KLHL1: variants seen among roughly 807,000 people sequenced by gnomAD.
KLHL1 encodes the protein kelch like family member 1, also known as kelch-like protein 1.
Under a neutral mutation model 77.7 loss-of-function variants are expected in KLHL1, and 47 were observed. That is an observed-to-expected ratio of 0.60 (90% confidence interval 0.48 to 0.77). The LOEUF (loss-of-function observed/expected upper bound fraction) is 0.77. Among genes scored for constraint, KLHL1 ranks in the 30% least tolerant of loss-of-function variants. KLHL1 has a pLI of 0.00. For missense variants in KLHL1, 925 were observed against 910.8 expected (o/e 1.02, Z -0.20); for synonymous variants, 360 against 325.2 (o/e 1.11, Z -1.15).
chr13:69,861,676 G>A (rs915401969), intron 5 of KLHL1, among the ~76,000 whole-genome samples: 6 of 150,930 alleles, frequency 4.0e-5, no homozygotes, highest in East Asian at 2.0e-4. Context: ...CAAGCCTGGC[G>A]CAGTGGCTCA....
At position 70,021,200 on chromosome 13, in the gene KLHL1, C is replaced by G. The variant is rs962398540; in HGVS notation, c.498-45398G>C. Among the ~76,000 whole-genome samples, 5 of 152,196 alleles carry G rather than the reference C, an allele frequency of 3.3e-5. No homozygotes were observed. The East Asian group carries it at 9.7e-4, about 29-fold the overall frequency. ...TCCTCCTATTCAATCCTGCCTCCCC[C>G]ATCTTCTGAAACTTTTTAGTGTTTC... On this transcript the variant is annotated intron_variant, in intron 1 of 10. Coordinates refer to ENST00000377844, the MANE Select transcript of KLHL1 (RefSeq NM_020866.3).
chr13:69,706,075 G>A (rs1875612227), intron 10 of KLHL1, among the ~76,000 whole-genome samples: 1 of 151,674 alleles, frequency 6.6e-6, no homozygotes, highest in African/African-American at 2.4e-5. Context: ...AAACACTAGG[G>A]ACTCAGAAAG....
intron 5 of KLHL1, among the ~76,000 whole-genome samples, chr13:69,867,771 T>A (rs2138166683): frequency 6.9e-6 from 1 of 145,636 alleles, no homozygotes; most frequent in African/African-American, 2.5e-5. Context: ...AAAAAGCATA[T>A]GTAATATTAA....
intron 5 of KLHL1, among the ~76,000 whole-genome samples, chr13:69,856,108 A>G (rs1354825558): frequency 2.0e-5 from 3 of 151,454 alleles, no homozygotes; most frequent in Non-Finnish European, 4.4e-5. Context: ...CTATCTTTTC[A>G]GGAATGTTTG....
chr13:69,719,646 T>C, intron 8 of KLHL1, 65 bp from the exon 9 acceptor site: 2 of 1,277,916 alleles, frequency 1.6e-6, no homozygotes, highest in Non-Finnish European at 2.2e-6. Flanking sequence ...ATAGAAAAGG[T>C]CCTTTAAAAT....
intron 1 of KLHL1, among the ~76,000 whole-genome samples, chr13:70,008,769 T>G (rs1036162563): frequency 6.6e-6 from 1 of 152,166 alleles, no homozygotes. Flanking sequence ...TGAATATATA[T>G]GCCAAAACAA....
intron 5 of KLHL1, among the ~76,000 whole-genome samples, chr13:69,856,434 G>A (rs899158428): frequency 1.3e-5 from 2 of 151,986 alleles, no homozygotes; most frequent in African/African-American, 4.8e-5. Context: ...CTTTTGCTCT[G>A]ATCCAGGAGT....
intron 1 of KLHL1, among the ~76,000 whole-genome samples, chr13:70,088,191 T>C (rs1887591191): frequency 6.6e-6 from 1 of 152,138 alleles, no homozygotes; most frequent in African/African-American, 2.4e-5. Flanking sequence ...GTAGGATTGA[T>C]AAATACAAAA....
intron 1 of KLHL1, among the ~76,000 whole-genome samples, chr13:70,066,633 G>T (rs1887013052): frequency 6.6e-6 from 1 of 152,176 alleles, no homozygotes; most frequent in Non-Finnish European, 1.5e-5. Flanking sequence ...GACTGATAAT[G>T]TTGGGAGAAT....
At chr13:69,723,501 C>T (rs7324005) in intron 8 of KLHL1, among the ~76,000 whole-genome samples, 147,703 of 152,182 alleles carry the variant, frequency 0.97, 71,696 homozygotes, top group East Asian at 1. Flanking sequence ...CAGATGACTT[C>T]ACTGGTACAT....
intron 2 of KLHL1, among the ~76,000 whole-genome samples, chr13:69,971,845 C>T (rs976091798): frequency 6.6e-6 from 1 of 151,980 alleles, no homozygotes; most frequent in Non-Finnish European, 1.5e-5. Flanking sequence ...AGGGCATAGG[C>T]CAATGCTAGA....
rs959990412 is a variant in KLHL1, at chr13:70,068,360, AAAACAAAAAC to A, written c.497+38833_497+38842del. Reference sequence around the variant, plus strand: ...CGTCTCAAAAACAAAAACAAAAACAAAAACAAAAACAAAAAAAAAGGATTTTTAAAATTAT... The same window carrying A: ...CGTCTCAAAAACAAAAACAAAAACAAAAAAAAAAAGGATTTTTAAAATTAT... On this transcript the variant is annotated intron_variant, in intron 1 of 10. Transcript: ENST00000377844. Among the ~76,000 whole-genome samples the A allele has an allele frequency of 2.7e-5, 3 of 112,168 alleles. No individual in the cohort carries two copies. In the Admixed American group the frequency reaches 2.7e-4, roughly 10 times the overall value. The allele number at this position is 112,168 out of a possible 152,430, so 73.6% of individuals were successfully genotyped here.
At chr13:69,754,524 C>CA (rs1267173370) in intron 7 of KLHL1, among the ~76,000 whole-genome samples, 1 of 151,976 alleles carries the variant, frequency 6.6e-6, no homozygotes, top group Non-Finnish European at 1.5e-5. Context: ...ATACATCTTC[C>CA]AAATTTTAAT....
chr13:69,880,004 G>T (rs1880925565), intron 5 of KLHL1, among the ~76,000 whole-genome samples: 2 of 152,138 alleles, frequency 1.3e-5, no homozygotes, highest in Non-Finnish European at 2.9e-5. Context: ...GTCTTTAAAA[G>T]AACCTTCAAA....
rs182809295 is a variant in KLHL1, at chr13:69,913,076, T to A, written c.1014+26964A>T. ...GATAATGCACTCCACAAACTGGAGT[T>A]CCAGGTGCTTCCCCACCCAGCTATG... On this transcript the variant is annotated intron_variant, in intron 4 of 10. Coordinates refer to ENST00000377844, the MANE Select transcript of KLHL1 (RefSeq NM_020866.3). Among the ~76,000 whole-genome samples the A allele has an allele frequency of 1.7e-3, 255 of 152,270 alleles. 4 individuals carry two copies. The highest frequency in any genetic ancestry group is 3.9e-4 in the East Asian group (2 of 5,182).
intron 7 of KLHL1, among the ~76,000 whole-genome samples, chr13:69,771,441 G>A (rs1875560465): frequency 6.6e-6 from 1 of 152,146 alleles, no homozygotes; most frequent in Non-Finnish European, 1.5e-5. Flanking sequence ...GAGGGATGCT[G>A]AAAGGTTGAT....
intron 1 of KLHL1, among the ~76,000 whole-genome samples, chr13:69,988,287 C>T (rs1884930911): frequency 1.3e-5 from 2 of 152,116 alleles, no homozygotes; most frequent in Non-Finnish European, 1.5e-5. Flanking sequence ...CCTGCAAGGA[C>T]ATGACCTCAT....
At chr13:69,824,909 T>A (rs1252694314) in intron 6 of KLHL1, among the ~76,000 whole-genome samples, 1 of 151,914 alleles carries the variant, frequency 6.6e-6, no homozygotes, top group Non-Finnish European at 1.5e-5. Context: ...AAATTTTGCC[T>A]AAAATATCTA....
intron 1 of KLHL1, among the ~76,000 whole-genome samples, chr13:70,057,115 C>G (rs1218254693): frequency 6.6e-6 from 1 of 152,038 alleles, no homozygotes; most frequent in East Asian, 1.9e-4. Context: ...ACAACTGATA[C>G]TGCAGAAAGC....
Sources: allele counts gnomAD v4.1 joint callset (sites outside exome capture counted in the v4.1 genomes callset), GRCh38; gene constraint gnomAD v4.1.1; transcripts MANE v1.5; gene names NCBI Gene and HGNC (gene_info 2026-07-23, HGNC 2026-07-21).